The following AHRR variants were observed in gnomAD, a reference collection of about 807,000 sequenced individuals.
AHRR encodes the protein ahR repressor.
Under a neutral mutation model 44.0 loss-of-function variants are expected in AHRR, and 28 were observed. The observed-to-expected ratio is 0.64, with a 90% CI of 0.47 to 0.87. The LOEUF is 0.87. Ranked by LOEUF, AHRR falls within the 40% of genes least tolerant of loss-of-function variation. The pLI, the probability that AHRR is intolerant of heterozygous loss-of-function variation, is 0.00. For synonymous variants in AHRR, 434 were observed against 407.0 expected (o/e 1.07, Z -0.80); for missense variants, 990 against 953.9 (o/e 1.04, Z -0.50).
At chr5:376,554 A>AGAACGGCGGGG in intron 3 of AHRR, 56 bp from the exon 4 acceptor site, 1 of 301,838 alleles carries the variant, frequency 3.3e-6, no homozygotes, top group Admixed American at 8.6e-5. Context: ...GTGAATGAAG[A>AGAACGGCGGGG]AGAGTGGCCA....
intron 4 of AHRR, among the ~76,000 whole-genome samples, chr5:384,868 G>A (rs551203565): frequency 8.5e-5 from 13 of 152,228 alleles, no homozygotes; most frequent in Admixed American, 1.3e-4. Flanking sequence ...TCTTTAGGCC[G>A]GGCGCGGTGG....
chr5:409,710 C>T (rs756447480), intron 4 of AHRR, among the ~76,000 whole-genome samples: 3 of 151,234 alleles, frequency 2.0e-5, no homozygotes, highest in Non-Finnish European at 4.4e-5. Flanking sequence ...TGGATAAAGT[C>T]CTTTATCAAT....
At chr5:356,295 T>C (rs558393253) in intron 3 of AHRR, among the ~76,000 whole-genome samples, 1 of 152,264 alleles carries the variant, frequency 6.6e-6, no homozygotes, top group Non-Finnish European at 1.5e-5. Context: ...GCTGGGCCCC[T>C]TCTAGGCTGA....
Position 415,459 on chromosome 5 carries a change from CCGAGTCTGCCTGGTCGGGT to C in AHRR, c.441+2027_441+2045del, listed in dbSNP as rs1735715691. Among the ~76,000 whole-genome samples the C allele has an allele frequency of 5.9e-5, 7 of 118,450 alleles. 1 individual carries two copies. The highest frequency in any genetic ancestry group is 8.2e-5 in the Admixed American group (1 of 12,202). The allele number at this position is 118,450 out of a possible 152,430, so 77.7% of individuals were successfully genotyped here. On this transcript the variant is annotated intron_variant, in intron 5 of 10. Transcript: ENST00000684583. ...CCTGGTCGGGCGGGAGGCCTAGGGG[CCGAGTCTGCCTGGTCGGGT>C]GGGAGGCCTAGGGGCCGAGTCTCCC...
rs569434717 is a variant in AHRR at position 370,958 on chromosome 5, C to T, written c.245-5652C>T. Among the ~76,000 whole-genome samples the T allele has an allele frequency of 7.2e-5, 11 of 152,258 alleles. No homozygotes were observed. The highest frequency in any genetic ancestry group is 3.9e-4 in the East Asian group (2 of 5,174). ...TTAGGGCTCTGCAGAAAAACAGAAC[C>T]GACCGGAGACAGATATGGGGAGGCT... On this transcript the variant is annotated intron_variant, in intron 3 of 10. Coordinates refer to ENST00000684583, the MANE Select transcript of AHRR (RefSeq NM_001377236.1). The surrounding 1 kb of genome is among the most constrained non-coding windows in gnomAD (Gnocchi z 4.5).
Position 434,217 on chromosome 5 carries a change from C to T in AHRR, c.1477C>T (p.Pro493Ser). The change falls in exon 11 of 11, where the codon CCT (proline) becomes TCT (serine). Residue 493 changes from proline (P) to serine (S), a missense_variant. Pro to Ser is a moderately conservative substitution (Grantham distance 74). Transcript: ENST00000684583. ...CCAGAGGAGCCTGCAGCACCAGCTC[C>T]CTCAGCCTGGAGCTCAGCGTTTTGC... ...FPQRSLQHQL[P>S]QPGAQRFATR... 6.3e-7 allele frequency: 1 copy of T among 1,589,802 alleles called. No homozygotes were observed. The highest frequency in any genetic ancestry group is 1.2e-5 in the South Asian group (1 of 86,328).
chr5:344,240 G>A (rs1742484352), intron 2 of AHRR, among the ~76,000 whole-genome samples: 1 of 151,062 alleles, frequency 6.6e-6, no homozygotes, highest in Non-Finnish European at 1.5e-5. Context: ...GGCCAAGGAC[G>A]CGGGCGGAGC....
intron 3 of AHRR, among the ~76,000 whole-genome samples, chr5:375,855 T>C (rs1733593051): frequency 6.6e-6 from 1 of 152,154 alleles, no homozygotes; most frequent in South Asian, 2.1e-4. Context: ...ACTCAGCCCT[T>C]GGTCAGTCTG....
intron 3 of AHRR, 50 bp from the exon 4 acceptor site, chr5:376,560 G>GAATGAATGAGAGCC: frequency 1.0e-5 from 2 of 194,300 alleles, no homozygotes; most frequent in Non-Finnish European, 1.9e-5. Context: ...GAAGAAGAGT[G>GAATGAATGAGAGCC]GCCAGGCCAA....
At chr5:420,968 C>A (rs1334830444) in intron 5 of AHRR, 2 of 404,100 alleles carry the variant, frequency 4.9e-6, no homozygotes, top group South Asian at 4.7e-5. Context: ...GCTGGCACCG[C>A]TGAACAGCCA....
rs547230414 is a variant in AHRR, at chr5:389,315, G to A, written c.351+12599G>A. ...GTGAACCAGGCAGCATCCACAGTGC[G>A]TGAGTCCACGTAAAGCCCTGAAAAC... is the stretch of plus-strand genomic sequence containing the variant. On this transcript the variant is annotated intron_variant, in intron 4 of 10. Coordinates refer to ENST00000684583, the MANE Select transcript of AHRR (RefSeq NM_001377236.1). Among the ~76,000 whole-genome samples the A allele has an allele frequency of 1.2e-4, 19 of 152,316 alleles. 1 individual carries two copies. The South Asian group carries it at 2.7e-3, about 22-fold the overall frequency.
At chr5:413,924 G>A (rs2126513340) in intron 5 of AHRR, among the ~76,000 whole-genome samples, 1 of 152,328 alleles carries the variant, frequency 6.6e-6, no homozygotes, top group African/African-American at 2.4e-5. Context: ...GGCCTCGTCA[G>A]ATACCAAGCC....
intron 2 of AHRR, among the ~76,000 whole-genome samples, chr5:345,747 T>C (rs1742650412): frequency 1.3e-5 from 2 of 152,042 alleles, no homozygotes; most frequent in Non-Finnish European, 2.9e-5. Flanking sequence ...TGTCAAATGC[T>C]TGGCCTTAGT....
chr5:384,824 A>G (rs1168355360), intron 4 of AHRR, among the ~76,000 whole-genome samples: 1 of 152,172 alleles, frequency 6.6e-6, no homozygotes, highest in Non-Finnish European at 1.5e-5. Context: ...GAGGTTTTGC[A>G]TTTCCCTGTG....
intron 4 of AHRR, among the ~76,000 whole-genome samples, chr5:399,984 A>G (rs1241587725): frequency 2.6e-5 from 4 of 152,192 alleles, no homozygotes; most frequent in South Asian, 2.1e-4. Flanking sequence ...CGCAAGCCCC[A>G]TGGAGCGGCC....
At chr5:428,246 C>A (rs1295390173) in intron 8 of AHRR, among the ~76,000 whole-genome samples, 1 of 152,246 alleles carries the variant, frequency 6.6e-6, no homozygotes, top group East Asian at 1.9e-4. Flanking sequence ...CCTAAATCAT[C>A]CTGTTACAGA....
At chr5:398,029 T>C (rs1330677751) in intron 4 of AHRR, among the ~76,000 whole-genome samples, 25 of 78,998 alleles carry the variant, frequency 3.2e-4, no homozygotes, top group African/African-American at 7.5e-4. Context: ...TCCACGTAGC[T>C]CCTGACCATC....
At chr5:335,225 G>A (rs1742077101) in intron 1 of AHRR, among the ~76,000 whole-genome samples, 1 of 152,184 alleles carries the variant, frequency 6.6e-6, no homozygotes, top group Non-Finnish European at 1.5e-5. Context: ...CCATGCGAGT[G>A]AGCAGGCTTC....
chr5:394,247 C>T (rs1734606728), intron 4 of AHRR, among the ~76,000 whole-genome samples: 3 of 146,680 alleles, frequency 2.0e-5, no homozygotes, highest in African/African-American at 7.7e-5. Flanking sequence ...TGCTCCAGGG[C>T]CTCCCCTTTC....
Sources: gnomAD v4.1 joint callset for allele counts (sites outside exome capture counted in the v4.1 genomes callset) on GRCh38, gnomAD v4.1.1 for gene constraint, Gnocchi (gnomAD v3.1) non-coding constraint, MANE v1.5 for transcripts, NCBI Gene and HGNC (gene_info 2026-07-23, HGNC 2026-07-21) for gene names.